The following CSMD1 variants were observed in gnomAD, a reference collection of about 807,000 sequenced individuals.
CSMD1 encodes the protein CUB and Sushi multiple domains 1, also known as CUB and sushi domain-containing protein 1.
In CSMD1, 213 loss-of-function variants were observed where a neutral mutation model predicts 417.5. The observed-to-expected ratio is 0.51, with a 90% CI of 0.46 to 0.57. The LOEUF (loss-of-function observed/expected upper bound fraction) is 0.57. CSMD1 is among the 20% of genes least tolerant of loss of function. The pLI, the probability that CSMD1 is intolerant of heterozygous loss-of-function variation, is 0.00. For synonymous variants in CSMD1, 2,862 were observed against 1,736.8 expected, an observed-to-expected ratio of 1.65 and a Z score of -16.11; for missense variants, 6,923 against 4,529.7, an observed-to-expected ratio of 1.53 and a Z score of -15.17.
At chr8:4,767,155 G>A (rs1359198244) in intron 1 of CSMD1, among the ~76,000 whole-genome samples, 2 of 152,078 alleles carry the variant, frequency 1.3e-5, no homozygotes, top group Non-Finnish European at 2.9e-5. Flanking sequence ...TAACAGTTTG[G>A]ACATACCATG....
intron 3 of CSMD1, among the ~76,000 whole-genome samples, chr8:4,328,758 T>A (rs888901957): frequency 3.3e-5 from 5 of 152,216 alleles, no homozygotes; most frequent in Admixed American, 6.5e-5. Context: ...AAAAGTTACA[T>A]CGTTTAAGTT....
chr8:4,916,770 T>C (rs768776408), intron 1 of CSMD1, among the ~76,000 whole-genome samples: 3 of 152,222 alleles, frequency 2.0e-5, no homozygotes, highest in Admixed American at 6.5e-5. Context: ...TTTAACAAAG[T>C]GACAGCTAGA....
At chr8:3,638,778 C>A (rs957770070) in intron 7 of CSMD1, among the ~76,000 whole-genome samples, 2 of 152,148 alleles carry the variant, frequency 1.3e-5, no homozygotes, top group East Asian at 1.9e-4. Context: ...AAGAGAGAAA[C>A]CAGCATGCAT....
chr8:3,866,011 GAT>G (rs2129108424), intron 5 of CSMD1, among the ~76,000 whole-genome samples: 1 of 152,224 alleles, frequency 6.6e-6, no homozygotes, highest in African/African-American at 2.4e-5. Context: ...ATGTTAGTGA[GAT>G]AAATCGCCAC....
At chr8:4,013,452 G>T (rs922098580) in intron 4 of CSMD1, among the ~76,000 whole-genome samples, 1 of 152,082 alleles carries the variant, frequency 6.6e-6, no homozygotes, top group East Asian at 1.9e-4. Context: ...CTATCAGGGG[G>T]GTTTCCAGGA....
At chr8:3,083,636 ATATATATATATATTT>A (rs1814288219) in intron 49 of CSMD1, among the ~76,000 whole-genome samples, 1 of 21,508 alleles carries the variant, frequency 4.6e-5, no homozygotes, top group South Asian at 2.8e-3. Context: ...ATATATATAT[ATATATATATATATTT>A]TTTTTTTTTT....
intron 2 of CSMD1, among the ~76,000 whole-genome samples, chr8:4,454,325 C>A (rs987333084): frequency 2.6e-5 from 4 of 152,198 alleles, no homozygotes; most frequent in African/African-American, 9.7e-5. Flanking sequence ...GCATCCTTGT[C>A]AGTAGACATG....
At chr8:3,003,811 G>A (rs3892702) in intron 52 of CSMD1, among the ~76,000 whole-genome samples, 2,987 of 152,198 alleles carry the variant, frequency 0.02, 96 homozygotes, top group African/African-American at 0.067. Flanking sequence ...AAGGATGAGC[G>A]CTTGTTAGCC....
At chr8:3,505,567 C>A (rs1030628190) in intron 10 of CSMD1, among the ~76,000 whole-genome samples, 2 of 152,128 alleles carry the variant, frequency 1.3e-5, no homozygotes, top group Non-Finnish European at 2.9e-5. Context: ...ACAGAATTCA[C>A]ACTAACAACA....
At chr8:3,706,262 A>C (rs1801164392) in intron 7 of CSMD1, among the ~76,000 whole-genome samples, 1 of 152,236 alleles carries the variant, frequency 6.6e-6, no homozygotes, top group Non-Finnish European at 1.5e-5. Flanking sequence ...CTATTTTATT[A>C]ATAATTGTGT....
intron 7 of CSMD1, among the ~76,000 whole-genome samples, chr8:3,644,755 T>G (rs80050297): frequency 0.017 from 2,637 of 152,064 alleles, 85 homozygotes; most frequent in African/African-American, 0.061. Context: ...GCAGACAGAA[T>G]TGCAGAATCA....
At chr8:4,030,141 G>A (rs142730307) in intron 4 of CSMD1, among the ~76,000 whole-genome samples, 1 of 152,136 alleles carries the variant, frequency 6.6e-6, no homozygotes, top group African/African-American at 2.4e-5. Context: ...ATGATGCAAG[G>A]TGTCAGTGGA....
intron 32 of CSMD1, 77 bp downstream of exon 32, chr8:3,201,535 A>T (rs1247533654): frequency 2.9e-6 from 2 of 700,908 alleles, no homozygotes; most frequent in East Asian, 6.0e-5. Context: ...AAAACAAAGC[A>T]AAAGAAACAG....
chr8:3,081,401 G>A lies in CSMD1; in HGVS notation c.7474+5696C>T, dbSNP rs113778165. On this transcript the variant is annotated intron_variant, in intron 49 of 69. Transcript: ENST00000635120. ...CAAGGATGAATGTAATATTAAAATA[G>A]ATCAATATAGATTTTAAGTTCCCAA... is the stretch of plus-strand genomic sequence containing the variant. Among the ~76,000 whole-genome samples the A allele has an allele frequency of 6.7e-4, 102 of 152,218 alleles. 2 individuals are homozygous for A. Among genetic ancestry groups the A allele is most frequent in the African/African-American group, 2.1e-3 (87 of 41,542 alleles).
intron 1 of CSMD1, among the ~76,000 whole-genome samples, chr8:4,781,792 T>G (rs796175502): frequency 6.6e-5 from 10 of 152,320 alleles, no homozygotes; most frequent in African/African-American, 2.4e-4. Context: ...ATAATGATCA[T>G]GCAGCTTCTC....
chr8:4,843,983 A>C (rs1475806330), intron 1 of CSMD1, among the ~76,000 whole-genome samples: 3 of 152,190 alleles, frequency 2.0e-5, no homozygotes, highest in Non-Finnish European at 4.4e-5. Flanking sequence ...AATCAGCAGG[A>C]AAAATGAGAT....
chr8:3,583,008 A>G (rs551082044), intron 9 of CSMD1, among the ~76,000 whole-genome samples: 2 of 152,246 alleles, frequency 1.3e-5, no homozygotes, highest in Non-Finnish European at 2.9e-5. Flanking sequence ...CCTTTACATA[A>G]TCAGTTGGGA....
intron 7 of CSMD1, among the ~76,000 whole-genome samples, chr8:3,670,594 T>A (rs976593498): frequency 2.0e-5 from 3 of 147,916 alleles, no homozygotes; most frequent in Non-Finnish European, 4.5e-5. Flanking sequence ...TATGGGGATA[T>A]ATATATTGCA....
At chr8:4,194,611 CAGAGT>C (rs558717876) in intron 3 of CSMD1, among the ~76,000 whole-genome samples, 301 of 152,056 alleles carry the variant, frequency 2.0e-3, no homozygotes, top group Non-Finnish European at 3.2e-3. Flanking sequence ...AATTTGCTAA[CAGAGT>C]AATCATACAT....
Sources: gnomAD v4.1 joint callset for allele counts (sites outside exome capture counted in the v4.1 genomes callset) on GRCh38, gnomAD v4.1.1 for gene constraint, MANE v1.5 for transcripts, NCBI Gene and HGNC (gene_info 2026-07-23, HGNC 2026-07-21) for gene names.